The following CHST7 variants were observed in gnomAD, a reference collection of about 807,000 sequenced individuals.
CHST7 encodes the protein N-acetylglucosamine 6-O-sulfotransferase 4.
CHST7 carries 5 observed loss-of-function variants against 9.0 expected under a neutral mutation model. The observed-to-expected ratio is 0.56, with a 90% confidence interval of 0.29 to 1.17. The LOEUF (loss-of-function observed/expected upper bound fraction) is 1.17. Ranked by LOEUF, CHST7 falls within the 50% of genes most tolerant of loss-of-function variation. The pLI, the probability that CHST7 is intolerant of heterozygous loss-of-function variation, is 0.08. For missense variants in CHST7, 377 were observed against 485.1 expected (o/e 0.78, Z 2.09); for synonymous variants, 244 against 237.1 (o/e 1.03, Z -0.27).
At chrX:46,596,228 T>C (rs1942593476) in intron 1 of CHST7, among the ~76,000 whole-genome samples, 1 of 111,225 alleles carries the variant, frequency 9.0e-6, no homozygotes, top group Non-Finnish European at 1.9e-5. Context: ...TAACCTGTTG[T>C]GGAGGCTAAA....
rs750516329 is a variant in CHST7 at position 46,573,983 on chromosome X, T to C, written c.52T>C (p.Leu18=). 1 of 1,156,194 alleles carries C rather than the reference T, an allele frequency of 8.6e-7. No individual in the cohort carries two copies. The highest frequency in any genetic ancestry group is 3.2e-5 in the East Asian group (1 of 30,831). Residue 18 remains leucine, a synonymous_variant, in exon 1 of 2, where the codon TTG becomes CTG. Coordinates refer to ENST00000276055, the MANE Select transcript of CHST7 (RefSeq NM_019886.4). ...RREYCKFALL[L]VLYTLVLLLV... is the part of the protein sequence containing the mutation. ...AGAGTACTGCAAGTTCGCGCTGCTGTTGGTGCTGTACACGCTGGTGCTGTT... is the reference window on the plus strand; with the variant it reads ...AGAGTACTGCAAGTTCGCGCTGCTGCTGGTGCTGTACACGCTGGTGCTGTT...
intron 1 of CHST7, among the ~76,000 whole-genome samples, chrX:46,584,301 G>T (rs1942538212): frequency 9.0e-6 from 1 of 111,002 alleles, no homozygotes; most frequent in Non-Finnish European, 1.9e-5. Context: ...ACTTTGGGAA[G>T]CCAAGGCAGG....
At chrX:46,579,801 A>G (rs771551856) in intron 1 of CHST7, among the ~76,000 whole-genome samples, 1 of 110,927 alleles carries the variant, frequency 9.0e-6, no homozygotes, top group South Asian at 3.8e-4. Context: ...CTTAGGCAAC[A>G]TAGTGAGACA....
At chrX:46,582,350 C>A in intron 1 of CHST7, among the ~76,000 whole-genome samples, 1 of 112,172 alleles carries the variant, frequency 8.9e-6, no homozygotes, top group Non-Finnish European at 1.9e-5. Flanking sequence ...TAATGTTCTT[C>A]AAAGTCGTCC....
At chrX:46,582,369 C>G (rs188676047) in intron 1 of CHST7, among the ~76,000 whole-genome samples, 37 of 112,323 alleles carry the variant, frequency 3.3e-4, no homozygotes, top group African/African-American at 1.2e-3. Flanking sequence ...CCAACATTCA[C>G]TACCACCAGC....
intron 1 of CHST7, among the ~76,000 whole-genome samples, chrX:46,578,095 C>A (rs780111476): frequency 1.8e-5 from 2 of 110,182 alleles, no homozygotes; most frequent in South Asian, 7.7e-4. Context: ...TAGGCCCTTT[C>A]TATCTTTTAC....
intron 1 of CHST7, among the ~76,000 whole-genome samples, chrX:46,579,739 C>T (rs750996614): frequency 2.7e-5 from 3 of 111,971 alleles, no homozygotes; most frequent in Non-Finnish European, 3.8e-5. Flanking sequence ...AATCCCAGCA[C>T]TTTGGGAGGC....
intron 1 of CHST7, among the ~76,000 whole-genome samples, chrX:46,581,248 A>T (rs897717969): frequency 1.6e-4 from 15 of 95,796 alleles, no homozygotes; most frequent in Admixed American, 4.7e-4. Context: ...AAAAAAAAAA[A>T]AAATAATAAT....
At chrX:46,576,903 A>G (rs951370357) in intron 1 of CHST7, among the ~76,000 whole-genome samples, 1 of 112,073 alleles carries the variant, frequency 8.9e-6, no homozygotes, top group Non-Finnish European at 1.9e-5. Flanking sequence ...ATTGCTAGGA[A>G]GTCTGTGTTC....
chrX:46,581,235 C>CAA (rs1165772615), intron 1 of CHST7, among the ~76,000 whole-genome samples: 4 of 66,961 alleles, frequency 6.0e-5, no homozygotes, highest in Admixed American at 1.7e-4. Flanking sequence ...ACTCTGTCTC[C>CAA]AAAAAAAAAA....
In CHST7 at chrX:46,598,167, T is replaced by C. The variant is rs778027716; in HGVS notation, c.*439T>C. ...TGCAGTCCTGTCTTGATTAAATTAC[T>C]TAATAATATTATTAAATAATAATAG... On this transcript the variant is annotated 3_prime_UTR_variant, in exon 2 of 2. Transcript: ENST00000276055. 8.9e-5 allele frequency: 10 copies of C among 112,330 alleles called. No individual in the cohort carries two copies. In the East Asian group the frequency reaches 2.8e-3, roughly 31 times the overall value. 9.3% of individuals were successfully genotyped at this position (112,330 alleles called of 1,213,427 possible). A position where few individuals can be genotyped will look rare whatever the true frequency, so the allele number is the denominator to read the frequency against.
At chrX:46,596,174 T>C (rs898641961) in intron 1 of CHST7, among the ~76,000 whole-genome samples, 2 of 110,512 alleles carry the variant, frequency 1.8e-5, no homozygotes, top group African/African-American at 6.6e-5. Context: ...GGAAATTGGT[T>C]TTTATTAAAG....
Position 46,574,360 on chromosome X carries a change from G to A in CHST7, c.429G>A (p.Pro143=). 8.3e-7 allele frequency: 1 copy of A among 1,209,434 alleles called. No homozygotes were observed. The highest frequency in any genetic ancestry group is 1.1e-6 in the Non-Finnish European group (1 of 895,292). Reference sequence around the variant, plus strand: ...GGCATCTATGGCAGGCGCTGTATCCGGGCGACGCCGAGAGCTTGCAGGGCG... The same window carrying A: ...GGCATCTATGGCAGGCGCTGTATCCAGGCGACGCCGAGAGCTTGCAGGGCG... ...PMWHLWQALY[P]GDAESLQGAL... Residue 143 remains proline (P), a synonymous_variant, in exon 1 of 2, where the codon CCG becomes CCA. Transcript: ENST00000276055.
chrX:46,575,968 T>C (rs1942497532), intron 1 of CHST7, among the ~76,000 whole-genome samples: 1 of 111,490 alleles, frequency 9.0e-6, no homozygotes, highest in African/African-American at 3.3e-5. Flanking sequence ...GTTTCATGTT[T>C]CTTCTCTGTC....
At position 46,575,121 on chromosome X, in the gene CHST7, C is replaced by A; in HGVS notation, c.1190C>A (p.Ala397Glu). ...CTGCTGCGCTTCTCCGGGCTACGCG[C>A]GCTCGCAGCGCTCGATGCCTTCGCG... ...RRLLRFSGLR[A>E]LAALDAFALN... The change falls in exon 1 of 2, where the codon GCG (alanine) becomes GAG (glutamate). Residue 397 changes from alanine (A) to glutamate (E), a missense_variant. By Grantham distance (107) the Ala-to-Glu change is moderately radical (BLOSUM62 -1). Transcript: ENST00000276055. 9.1e-7 allele frequency: 1 copy of A among 1,100,316 alleles called. No individual in the cohort carries two copies. Among genetic ancestry groups the A allele is most frequent in the African/African-American group, 1.9e-5 (1 of 52,254 alleles). The allele number at this position is 1,100,316 out of a possible 1,213,427, so 90.7% of individuals were successfully genotyped here. A position where few individuals can be genotyped will look rare whatever the true frequency, so the allele number is the denominator to read the frequency against.
rs143825708 is a variant in CHST7 at position 46,588,277 on chromosome X, C to T, written c.*32-9483C>T. ...AGGTCCCCGTGCAAGTTCCCAGATT[C>T]ATTTGGGAGGCCCTAGGCTCATTAC... On this transcript the variant is annotated intron_variant, in intron 1 of 1. Coordinates refer to ENST00000276055, the MANE Select transcript of CHST7 (RefSeq NM_019886.4). 9.7e-3 allele frequency among the ~76,000 whole-genome samples: 1,071 copies of T among 110,767 alleles called. 14 individuals are homozygous for T. The highest frequency in any genetic ancestry group is 0.034 in the African/African-American group (1,026 of 30,462).
chrX:46,588,949 C>T (rs761230433), intron 1 of CHST7, among the ~76,000 whole-genome samples: 3 of 111,541 alleles, frequency 2.7e-5, no homozygotes, highest in African/African-American at 9.8e-5. Flanking sequence ...ATAGTTCTGA[C>T]TTAGGAATAA....
At chrX:46,586,338 A>G (rs749356889) in intron 1 of CHST7, among the ~76,000 whole-genome samples, 1 of 112,428 alleles carries the variant, frequency 8.9e-6, no homozygotes, top group East Asian at 2.8e-4. Flanking sequence ...TACACTGACT[A>G]GCCATTCTAA....
At position 46,574,150 on chromosome X, in the gene CHST7, C is replaced by G. The variant is rs765705791; in HGVS notation, c.219C>G (p.Ala73=). Reference sequence around the variant, plus strand: ...GCGAGCAGGGAGCGGAGGCGCGGGCCGCCGAGGAAGGGGGCGCGAACCAGT... The same window carrying G: ...GCGAGCAGGGAGCGGAGGCGCGGGCGGCCGAGGAAGGGGGCGCGAACCAGT... ...GEREQGAEAR[A]AEEGGANQSP... is the part of the protein sequence containing the mutation. The change falls in exon 1 of 2, where the codon GCC becomes GCG. Residue 73 remains alanine, a synonymous_variant. Coordinates refer to ENST00000276055, the MANE Select transcript of CHST7 (RefSeq NM_019886.4). 2.7e-5 allele frequency: 31 copies of G among 1,167,050 alleles called. No individual in the cohort carries two copies. The Admixed American group carries it at 7.7e-4, about 29-fold the overall frequency.
Sources: gnomAD v4.1 joint callset for allele counts (sites outside exome capture counted in the v4.1 genomes callset) on GRCh38, gnomAD v4.1.1 for gene constraint, MANE v1.5 for transcripts, NCBI Gene and HGNC (gene_info 2026-07-23, HGNC 2026-07-21) for gene names.